SLC12A5: variants seen among roughly 807,000 people sequenced by gnomAD.
SLC12A5 encodes the protein solute carrier family 12 member 5, also known as K-Cl cotransporter 2.
A neutral mutation model predicts 124.0 loss-of-function variants in SLC12A5; 18 were observed. The observed-to-expected ratio is 0.15, with a 90% CI of 0.10 to 0.22. The LOEUF is 0.22. Ranked by LOEUF, SLC12A5 falls within the 10% of genes least tolerant of loss-of-function variation. The pLI is 1.00. For synonymous variants in SLC12A5, 589 were observed against 568.0 expected (o/e 1.04, Z -0.53); for missense variants, 867 against 1,478.7 (o/e 0.59, Z 6.78).
chr20:46,029,917 CGTGTGTGTGTGTGTGT>C (rs34618340), intron 1 of SLC12A5, among the ~76,000 whole-genome samples: 13 of 143,784 alleles, frequency 9.0e-5, no homozygotes, highest in Non-Finnish European at 1.2e-4. Flanking sequence ...TGTGTGTGTG[CGTGTGTGTGTGTGTGT>C]GTGTGTGTAG....
rs187496565 is a variant in SLC12A5, at chr20:46,045,488, T to C, written c.1569+348T>C. Among the ~76,000 whole-genome samples, 11 of 152,020 alleles carry C rather than the reference T, an allele frequency of 7.2e-5. No homozygotes were observed. In the East Asian group the frequency reaches 2.1e-3, roughly 30 times the overall value. ...AATAAATGGCCCTGTTTTGGCACTG[T>C]GGTTGGTCGGAGACCTGGGGAGGCA... On this transcript the variant is annotated intron_variant, in intron 12 of 25. Coordinates refer to ENST00000243964, the MANE Select transcript of SLC12A5 (RefSeq NM_020708.5). The surrounding 1 kb of genome is among the most constrained non-coding windows in gnomAD (Gnocchi z 4.9).
Position 46,056,635 on chromosome 20 carries a change from G to T in SLC12A5, c.3110+71G>T. ...GGTCTTGCTCCCCATGGCAGAGCAA[G>T]AGAGCAGAAGGCATCCTGGTCTGTC... On this transcript the variant is annotated intron_variant, in intron 23 of 25. Transcript: ENST00000243964. This position sits in a 1 kb window ranked among gnomAD's most constrained non-coding sequence, Gnocchi z 4.3. The T allele has an allele frequency of 6.7e-7, 1 of 1,490,354 alleles. No individual in the cohort carries two copies. Among genetic ancestry groups the T allele is most frequent in the South Asian group, 1.3e-5 (1 of 79,464 alleles). The allele number at this position is 1,490,354 out of a possible 1,614,324, so 92.3% of individuals were successfully genotyped here.
chr20:46,025,870 G>T (rs564472110), upstream of SLC12A5, among the ~76,000 whole-genome samples: 1 of 152,186 alleles, frequency 6.6e-6, no homozygotes, highest in South Asian at 2.1e-4. Context: ...CACAGCCAGC[G>T]GTGGGTGGGT....
rs554185143 is a variant in SLC12A5 at position 46,038,926 on chromosome 20, G to A, written c.613-1447G>A. 8.5e-5 allele frequency among the ~76,000 whole-genome samples: 13 copies of A among 152,322 alleles called. No individual in the cohort carries two copies. The South Asian group carries it at 1.9e-3, about 22-fold the overall frequency. The stretch of plus-strand genomic sequence containing the variant: ...TGAAAGGCCTGAGGAGGCAAATGAT[G>A]AGGGAGAATAGACCTCCATGACTTC... On this transcript the variant is annotated intron_variant, in intron 6 of 25. Coordinates refer to ENST00000243964, the MANE Select transcript of SLC12A5 (RefSeq NM_020708.5).
intron 11 of SLC12A5, 37 bp from the exon 12 acceptor site, chr20:46,044,929 A>T (rs935374467): frequency 1.2e-6 from 2 of 1,613,392 alleles, no homozygotes; most frequent in Non-Finnish European, 8.5e-7. Context: ...TCCAGGCAGC[A>T]CTGCTCACCT....
At chr20:46,022,338 T>G (rs947918057) in intron 1 of SLC12A5, among the ~76,000 whole-genome samples, 26 of 144,956 alleles carry the variant, frequency 1.8e-4, no homozygotes, top group African/African-American at 6.4e-4. Context: ...GCGGCGGGAC[T>G]AGGTTGGTTT....
chr20:46,029,218 G>T lies in SLC12A5; in HGVS notation c.-127G>T. 2.8e-6 allele frequency: 4 copies of T among 1,446,346 alleles called. No homozygotes were observed. The highest frequency in any genetic ancestry group is 3.6e-6 in the Non-Finnish European group (4 of 1,099,076). The allele number at this position is 1,446,346 out of a possible 1,614,324, so 89.6% of individuals were successfully genotyped here. ...TGTGTGCGCCGGGCGGGCGGGCACT[G>T]CAGCTTCTTCCTCCGTGGAGCGGAG... is the stretch of plus-strand genomic sequence containing the variant. On this transcript the variant is annotated 5_prime_UTR_variant, in exon 1 of 26. Transcript: ENST00000243964.
chr20:46,049,870 C>T, intron 17 of SLC12A5, 80 bp downstream of exon 17: 2 of 1,421,936 alleles, frequency 1.4e-6, no homozygotes, highest in Non-Finnish European at 1.9e-6. Flanking sequence ...TACTTTCCTT[C>T]CTCATCACCT....
intron 5 of SLC12A5, 82 bp downstream of exon 5, chr20:46,036,877 G>A: frequency 6.5e-7 from 1 of 1,529,234 alleles, no homozygotes; most frequent in Non-Finnish European, 9.0e-7. Flanking sequence ...GGACATCAAG[G>A]CCCAAGAGAG....
upstream of SLC12A5, among the ~76,000 whole-genome samples, chr20:46,026,403 G>T (rs988609405): frequency 1.3e-5 from 2 of 152,240 alleles, no homozygotes; most frequent in African/African-American, 4.8e-5. Context: ...GGGGCTCTGA[G>T]CTGTGGGTCA....
At chr20:46,027,120 T>C (rs2084406070), upstream of SLC12A5, among the ~76,000 whole-genome samples, 1 of 152,256 alleles carries the variant, frequency 6.6e-6, no homozygotes, top group African/African-American at 2.4e-5. Context: ...TAGTGCTGTG[T>C]GTGTGTAGAG....
chr20:46,035,130 A>G, intron 2 of SLC12A5, 88 bp downstream of exon 2: 1 of 1,320,322 alleles, frequency 7.6e-7, no homozygotes, highest in South Asian at 1.2e-5. Context: ...AGGGAGCAAT[A>G]CCCTCGTCTC....
In SLC12A5 at chr20:46,041,604, G is replaced by A. The variant is rs1043733039; in HGVS notation, c.1066+64G>A. On this transcript the variant is annotated intron_variant, in intron 8 of 25. Coordinates refer to ENST00000243964, the MANE Select transcript of SLC12A5 (RefSeq NM_020708.5). ...GCAGGGATTGTAGGTTAAGCGGTCA[G>A]GATTAAGGGGCCCTCCTTGGGATTC... The A allele has an allele frequency of 6.5e-6, 10 of 1,543,274 alleles. No homozygotes were observed. In the African/African-American group the frequency reaches 1.1e-4, roughly 17 times the overall value.
chr20:46,046,094 C>G, intron 13 of SLC12A5, 98 bp downstream of exon 13: 1 of 1,150,022 alleles, frequency 8.7e-7, no homozygotes, highest in South Asian at 1.3e-5. Context: ...GACACTTTAG[C>G]AACCCCAGGA....
At chr20:46,028,137 T>C (rs1239225600), upstream of SLC12A5, among the ~76,000 whole-genome samples, 1 of 152,132 alleles carries the variant, frequency 6.6e-6, no homozygotes, top group African/African-American at 2.4e-5. Context: ...TTCTGGGGGA[T>C]TGGCCTAAGG....
intron 9 of SLC12A5, 27 bp from the exon 10 acceptor site, chr20:46,043,606 A>G (rs2084567646): frequency 1.2e-6 from 2 of 1,611,886 alleles, no homozygotes; most frequent in Non-Finnish European, 1.7e-6. Context: ...CCCTGGCTTG[A>G]GTCCTAGCTG....
chr20:46,053,257 C>T lies in SLC12A5; in HGVS notation c.2547+131C>T. The T allele has an allele frequency of 1.0e-6, 1 of 977,528 alleles. No homozygotes were observed. Among genetic ancestry groups the T allele is most frequent in the Non-Finnish European group, 1.5e-6 (1 of 673,696 alleles). The allele number at this position is 977,528 out of a possible 1,614,324, so 60.6% of individuals were successfully genotyped here. ...GGTCAGCTTCCGTGTCCTTCCTCCC[C>T]TGTAAACTCCTGGGAAAGGGATCTG... On this transcript the variant is annotated intron_variant, in intron 19 of 25. Transcript: ENST00000243964. The surrounding 1 kb of genome is among the most constrained non-coding windows in gnomAD (Gnocchi z 4.7).
Position 46,029,577 on chromosome 20 carries a change from G to T in SLC12A5, c.52+181G>T, listed in dbSNP as rs374364577. On this transcript the variant is annotated intron_variant, in intron 1 of 25. Transcript: ENST00000243964. ...GAATGCTCCGGGCGCTGTCCAAGGT[G>T]CTGGAATGCGCCGCGCCCGGGGGCA... Among the ~76,000 whole-genome samples, 37 of 152,314 alleles carry T rather than the reference G, an allele frequency of 2.4e-4. 1 individual carries two copies. Among genetic ancestry groups the T allele is most frequent in the Admixed American group, 7.2e-4 (11 of 15,306 alleles).
At chr20:46,038,613 A>G (rs2084518316) in intron 6 of SLC12A5, among the ~76,000 whole-genome samples, 1 of 152,258 alleles carries the variant, frequency 6.6e-6, no homozygotes, top group Non-Finnish European at 1.5e-5. Context: ...TTCATTGATG[A>G]AAATGATAAG....
Sources: allele counts gnomAD v4.1 joint callset (sites outside exome capture counted in the v4.1 genomes callset), GRCh38; gene constraint gnomAD v4.1.1; non-coding constraint Gnocchi (gnomAD v3.1); transcripts MANE v1.5; gene names NCBI Gene and HGNC (gene_info 2026-07-23, HGNC 2026-07-21).